The following NCKAP5 variants were observed in gnomAD, a reference collection of about 807,000 sequenced individuals.
NCKAP5 encodes nck-associated protein 5.
Under a neutral mutation model 167.0 loss-of-function variants are expected in NCKAP5, and 92 were observed. The observed-to-expected ratio is 0.55, with a 90% CI of 0.47 to 0.66. The LOEUF is 0.66. Among genes scored for constraint, NCKAP5 ranks in the 30% least tolerant of loss-of-function variants. NCKAP5 has a pLI of 0.00. For synonymous variants in NCKAP5, 891 were observed against 877.4 expected (o/e 1.02, Z -0.27); for missense variants, 2,378 against 2,315.0 (o/e 1.03, Z -0.56).
intron 3 of NCKAP5, among the ~76,000 whole-genome samples, chr2:133,466,579 G>T (rs1692608105): frequency 6.6e-6 from 1 of 152,086 alleles, no homozygotes; most frequent in African/African-American, 2.4e-5. Context: ...GGATGGCATT[G>T]AATCTAAAAA....
chr2:132,720,879 G>C (rs1311257842), intron 19 of NCKAP5, among the ~76,000 whole-genome samples: 1 of 152,060 alleles, frequency 6.6e-6, no homozygotes. Flanking sequence ...AGTGTGGTGG[G>C]AGGCACCTGT....
Position 132,878,862 on chromosome 2 carries a change from G to T in NCKAP5, c.634C>A (p.Arg212=). ...ENENQREQYE[R]CLDEVANQVV... Reference sequence around the variant, plus strand: ...ATCCCCCTTACCTCATCAAGACATCGCTCATATTGTTCCCTTTGATTTTCA... The same window carrying T: ...ATCCCCCTTACCTCATCAAGACATCTCTCATATTGTTCCCTTTGATTTTCA... The change falls in exon 9 of 20, where the codon CGA becomes AGA. Residue 212 remains arginine, a synonymous_variant. Transcript: ENST00000409261. 6.2e-7 allele frequency: 1 copy of T among 1,613,238 alleles called. No homozygotes were observed. The highest frequency in any genetic ancestry group is 2.2e-5 in the East Asian group (1 of 44,884).
At chr2:132,793,439 G>A (rs963624824) in intron 12 of NCKAP5, among the ~76,000 whole-genome samples, 3 of 152,346 alleles carry the variant, frequency 2.0e-5, no homozygotes, top group South Asian at 2.1e-4. Context: ...ACACTTTAAC[G>A]TGAACTGAAT....
chr2:133,064,080 C>A (rs1247716630), intron 6 of NCKAP5, among the ~76,000 whole-genome samples: 2 of 152,214 alleles, frequency 1.3e-5, no homozygotes, highest in Non-Finnish European at 2.9e-5. Flanking sequence ...CTTCTCTCCT[C>A]ACAGAGGTGC....
At chr2:132,818,714 A>T (rs189613789) in intron 11 of NCKAP5, among the ~76,000 whole-genome samples, 1 of 152,290 alleles carries the variant, frequency 6.6e-6, no homozygotes, top group East Asian at 1.9e-4. Flanking sequence ...TTGGATGGAA[A>T]AAAAATGCAT....
In NCKAP5 at chr2:133,348,092, G is replaced by T. The variant is rs77796940; in HGVS notation, c.70-44982C>A. Among the ~76,000 whole-genome samples the T allele has an allele frequency of 9.2e-3, 1,394 of 152,184 alleles. 18 individuals are homozygous for T. The highest frequency in any genetic ancestry group is 0.032 in the African/African-American group (1,310 of 41,520). ...CACAGGGATAGCATTCTACCTATGA[G>T]GATCCCTGTTTTTAGACTTCTCAGA... is the stretch of plus-strand genomic sequence containing the variant. On this transcript the variant is annotated intron_variant, in intron 3 of 19. Transcript: ENST00000409261.
intron 3 of NCKAP5, among the ~76,000 whole-genome samples, chr2:133,478,285 C>T (rs549661211): frequency 6.6e-6 from 1 of 152,302 alleles, no homozygotes; most frequent in East Asian, 1.9e-4. Flanking sequence ...TTTCTAATAC[C>T]TATTCCTGAC....
intron 3 of NCKAP5, among the ~76,000 whole-genome samples, chr2:133,486,671 T>C (rs1680936109): frequency 6.6e-6 from 1 of 152,202 alleles, no homozygotes; most frequent in South Asian, 2.1e-4. Flanking sequence ...TTTGACTCTG[T>C]GACAGCTTGA....
intron 2 of NCKAP5, among the ~76,000 whole-genome samples, chr2:133,546,646 A>G (rs1686705288): frequency 6.6e-6 from 1 of 152,174 alleles, no homozygotes; most frequent in African/African-American, 2.4e-5. Flanking sequence ...GCCTGTTCCC[A>G]GCACCAGCAG....
chr2:133,055,632 G>C (rs2079771921), intron 6 of NCKAP5, among the ~76,000 whole-genome samples: 1 of 151,922 alleles, frequency 6.6e-6, no homozygotes, highest in Non-Finnish European at 1.5e-5. Flanking sequence ...AATGGGTATA[G>C]CCAATTTAAG....
intron 3 of NCKAP5, among the ~76,000 whole-genome samples, chr2:133,318,292 C>G (rs1300599224): frequency 1.3e-5 from 2 of 152,210 alleles, no homozygotes; most frequent in Non-Finnish European, 2.9e-5. Context: ...GTAGCATATA[C>G]TTCTCTTTTT....
chr2:133,638,504 C>T, the NCKAP5 span, among the ~76,000 whole-genome samples: 1 of 152,152 alleles, frequency 6.6e-6, no homozygotes, highest in Non-Finnish European at 1.5e-5. Context: ...AAAAACTAGG[C>T]TTAACACTTA....
intron 5 of NCKAP5, among the ~76,000 whole-genome samples, chr2:133,153,923 C>T (rs1386835820): frequency 2.0e-5 from 3 of 150,402 alleles, no homozygotes; most frequent in Non-Finnish European, 3.0e-5. Context: ...GCAACCTCCT[C>T]CCCCCAAGAA....
chr2:133,435,642 T>A (rs72846355), intron 3 of NCKAP5, among the ~76,000 whole-genome samples: 1 of 152,044 alleles, frequency 6.6e-6, no homozygotes, highest in South Asian at 2.1e-4. Flanking sequence ...TTAGAGAAGG[T>A]GCTGGCCTAC....
At chr2:133,257,209 T>G (rs1323764045) in intron 4 of NCKAP5, among the ~76,000 whole-genome samples, 2 of 152,154 alleles carry the variant, frequency 1.3e-5, no homozygotes, top group Non-Finnish European at 2.9e-5. Flanking sequence ...GAAACACAGC[T>G]GAAGGTTTTC....
At chr2:133,204,354 TG>T (rs2085846690) in intron 5 of NCKAP5, among the ~76,000 whole-genome samples, 1 of 152,330 alleles carries the variant, frequency 6.6e-6, no homozygotes, top group East Asian at 1.9e-4. Context: ...ATTAAATAAA[TG>T]GACATAACTG....
intron 3 of NCKAP5, among the ~76,000 whole-genome samples, chr2:133,371,265 T>A (rs1307432819): frequency 1.3e-5 from 2 of 152,180 alleles, no homozygotes; most frequent in Non-Finnish European, 2.9e-5. Flanking sequence ...CCAATTGGAT[T>A]CTTTTAAGCC....
chr2:132,721,433 C>T (rs1273276333), intron 19 of NCKAP5, among the ~76,000 whole-genome samples: 1 of 152,136 alleles, frequency 6.6e-6, no homozygotes. Context: ...TTCCATCCTG[C>T]AGGTTGGGGA....
At chr2:133,106,552 C>T (rs370329334) in intron 6 of NCKAP5, among the ~76,000 whole-genome samples, 1 of 152,068 alleles carries the variant, frequency 6.6e-6, no homozygotes, top group Non-Finnish European at 1.5e-5. Flanking sequence ...CATGCAGATC[C>T]CGAGTAAAGG....
Sources: allele counts gnomAD v4.1 joint callset (sites outside exome capture counted in the v4.1 genomes callset), GRCh38; gene constraint gnomAD v4.1.1; transcripts MANE v1.5; gene names NCBI Gene and HGNC (gene_info 2026-07-23, HGNC 2026-07-21).